The following RABGAP1L variants were observed in gnomAD, a reference collection of about 807,000 sequenced individuals.
RABGAP1L encodes rab GTPase-activating protein 1-like.
Under a neutral mutation model 137.7 loss-of-function variants are expected in RABGAP1L, and 63 were observed. The ratio of observed to expected loss-of-function variants is 0.46; its 90% CI spans 0.37 to 0.56. RABGAP1L has a LOEUF of 0.56. RABGAP1L is among the 20% of genes least tolerant of loss of function. RABGAP1L has a pLI of 0.00. For synonymous variants in RABGAP1L, 431 were observed against 433.7 expected, an observed-to-expected ratio of 0.99 and a Z score of 0.08; for missense variants, 1,095 against 1,244.0, an observed-to-expected ratio of 0.88 and a Z score of 1.80.
intron 11 of RABGAP1L, among the ~76,000 whole-genome samples, chr1:174,368,638 A>T (rs902118690): frequency 5.3e-5 from 8 of 151,858 alleles, no homozygotes; most frequent in Non-Finnish European, 7.4e-5. Context: ...TTTCTATTGG[A>T]TTTTTCTTTA....
intron 19 of RABGAP1L, among the ~76,000 whole-genome samples, chr1:174,866,820 G>A (rs1206722429): frequency 6.6e-6 from 1 of 152,100 alleles, no homozygotes. Flanking sequence ...GACTGAGAGA[G>A]GAGGATTACC....
intron 13 of RABGAP1L, among the ~76,000 whole-genome samples, chr1:174,438,923 G>A (rs901428239): frequency 5.3e-5 from 8 of 150,834 alleles, no homozygotes; most frequent in African/African-American, 7.3e-5. Flanking sequence ...CAAGTATATC[G>A]AAATGCAATG....
At chr1:174,289,378 T>C (rs1676369025) in intron 10 of RABGAP1L, among the ~76,000 whole-genome samples, 1 of 152,230 alleles carries the variant, frequency 6.6e-6, no homozygotes, top group South Asian at 2.1e-4. Context: ...TTGTTGAACT[T>C]ATTTTGTTAA....
At chr1:174,636,351 C>G (rs931066330) in intron 13 of RABGAP1L, among the ~76,000 whole-genome samples, 2 of 152,026 alleles carry the variant, frequency 1.3e-5, no homozygotes, top group Admixed American at 1.3e-4. Flanking sequence ...AACCCCATCT[C>G]TACTAAAAAT....
chr1:174,619,902 G>C (rs150552355), intron 13 of RABGAP1L, among the ~76,000 whole-genome samples: 4 of 152,074 alleles, frequency 2.6e-5, no homozygotes, highest in Non-Finnish European at 5.9e-5. Flanking sequence ...CCCATCTCAC[G>C]TGCAGAGACA....
intron 14 of RABGAP1L, among the ~76,000 whole-genome samples, chr1:174,682,803 T>G (rs1678179480): frequency 6.6e-6 from 1 of 152,234 alleles, no homozygotes; most frequent in African/African-American, 2.4e-5. Flanking sequence ...TCTTACGAAT[T>G]GGCCTCTTTG....
rs1396614839 is a variant in RABGAP1L, at chr1:174,948,816, T to C, written c.2341-8641T>C. On this transcript the variant is annotated intron_variant, in intron 19 of 25. Coordinates refer to ENST00000681986, the MANE Select transcript of RABGAP1L (RefSeq NM_001366446.1). ...GGGAGGCATGATGTAGTAAAGGTAC[T>C]AGAAGAAGTCCTGTGTGGCTGGAGC... 3 of 152,190 alleles carry C rather than the reference T, an allele frequency of 2.0e-5. No homozygotes were observed. In the East Asian group the frequency reaches 5.8e-4, roughly 29 times the overall value. The allele number at this position is 152,190 out of a possible 1,614,324, so 9.4% of individuals were successfully genotyped here. A position where few individuals can be genotyped will look rare whatever the true frequency, so the allele number is the denominator to read the frequency against.
At chr1:174,884,132 C>T (rs1228419447) in intron 19 of RABGAP1L, among the ~76,000 whole-genome samples, 1 of 152,224 alleles carries the variant, frequency 6.6e-6, no homozygotes, top group East Asian at 1.9e-4. Context: ...TTTAATCAGA[C>T]TAACACATGG....
At chr1:174,978,491 G>A (rs1311086648) in intron 22 of RABGAP1L, among the ~76,000 whole-genome samples, 5 of 152,078 alleles carry the variant, frequency 3.3e-5, no homozygotes, top group Admixed American at 1.3e-4. Context: ...TTTTGTTTTA[G>A]ACTCTTATAA....
At chr1:174,315,309 C>G (rs1571176424) in intron 11 of RABGAP1L, among the ~76,000 whole-genome samples, 1 of 152,004 alleles carries the variant, frequency 6.6e-6, no homozygotes, top group African/African-American at 2.4e-5. Context: ...TATTCCTGCT[C>G]TTTTTTGTTT....
At chr1:174,224,122 T>G (rs1669984708) in intron 3 of RABGAP1L, among the ~76,000 whole-genome samples, 1 of 152,188 alleles carries the variant, frequency 6.6e-6, no homozygotes, top group African/African-American at 2.4e-5. Flanking sequence ...TTTTTGTGAT[T>G]GTCAAGGTAG....
In RABGAP1L at chr1:174,176,741, A is replaced by AAAAAAAAAAAATAAAATAAAAT. The variant is rs755688394; in HGVS notation, c.-34+17089_-34+17090insAAAAAATAAAATAAAATAAAAA. Among the ~76,000 whole-genome samples the AAAAAAAAAAAATAAAATAAAAT allele has an allele frequency of 6.4e-3, 715 of 111,692 alleles. 27 individuals carry two copies. Among genetic ancestry groups the AAAAAAAAAAAATAAAATAAAAT allele is most frequent in the Middle Eastern group, 0.01 (2 of 192 alleles). 73.3% of individuals were successfully genotyped at this position (111,692 alleles called of 152,430 possible). On this transcript the variant is annotated intron_variant, in intron 1 of 25. Transcript: ENST00000681986. ...AAAAAAAAAAAAAAAAAAAAAAAAA[A>AAAAAAAAAAAATAAAATAAAAT]AAAAAGGTCAACATTTGTTAATACT... is the stretch of plus-strand genomic sequence containing the variant.
In RABGAP1L at chr1:174,358,930, AAATTAT is replaced by A. The variant is rs1269805299; in HGVS notation, c.1466-12039_1466-12034del. 3.3e-5 allele frequency among the ~76,000 whole-genome samples: 5 copies of A among 152,200 alleles called. No homozygotes were observed. In the South Asian group the frequency reaches 6.2e-4, roughly 19 times the overall value. On this transcript the variant is annotated intron_variant, in intron 11 of 25. Transcript: ENST00000681986. Reference sequence around the variant, plus strand: ...GTATGATGGGAGAAAATGTAGAGGAAAATTATAATTATAATATGACGTGCTAAGTGC... The same window carrying A: ...GTATGATGGGAGAAAATGTAGAGGAAAATTATAATATGACGTGCTAAGTGC...
chr1:174,665,286 A>G (rs1389619794), intron 14 of RABGAP1L, among the ~76,000 whole-genome samples: 1 of 152,120 alleles, frequency 6.6e-6, no homozygotes, highest in Non-Finnish European at 1.5e-5. Flanking sequence ...CCTACCTTGA[A>G]TAAATTATTT....
chr1:174,551,640 G>A (rs1666552931), intron 13 of RABGAP1L, among the ~76,000 whole-genome samples: 1 of 151,664 alleles, frequency 6.6e-6, no homozygotes, highest in South Asian at 2.1e-4. Flanking sequence ...AGAAAAAGAA[G>A]AGAAAATAAA....
intron 10 of RABGAP1L, among the ~76,000 whole-genome samples, chr1:174,283,141 A>G (rs1471098968): frequency 6.6e-6 from 1 of 152,072 alleles, no homozygotes; most frequent in Admixed American, 6.6e-5. Context: ...AGTGGCTCAC[A>G]CTGGTAGTCC....
chr1:174,356,295 C>T (rs1373348432), intron 11 of RABGAP1L, among the ~76,000 whole-genome samples: 2 of 151,818 alleles, frequency 1.3e-5, no homozygotes, highest in African/African-American at 4.8e-5. Flanking sequence ...GATTTGTTTA[C>T]TAAAAACAGT....
chr1:174,577,020 C>A (rs1668417669), intron 13 of RABGAP1L, among the ~76,000 whole-genome samples: 1 of 151,856 alleles, frequency 6.6e-6, no homozygotes, highest in Admixed American at 6.6e-5. Flanking sequence ...TTACATAAAA[C>A]AAAAAACAAA....
intron 8 of RABGAP1L, among the ~76,000 whole-genome samples, chr1:174,274,442 A>G (rs933239471): frequency 1.3e-5 from 2 of 152,152 alleles, no homozygotes; most frequent in African/African-American, 4.8e-5. Flanking sequence ...AGTATTTGGT[A>G]CAGTAACGTG....
Sources: allele counts gnomAD v4.1 joint callset (sites outside exome capture counted in the v4.1 genomes callset), GRCh38; gene constraint gnomAD v4.1.1; transcripts MANE v1.5; gene names NCBI Gene and HGNC (gene_info 2026-07-23, HGNC 2026-07-21).